ZNF385B: variants seen among roughly 807,000 people sequenced by gnomAD.
ZNF385B encodes the protein zinc finger protein 533.
In ZNF385B, 23 loss-of-function variants were observed where a neutral mutation model predicts 39.2. The ratio of observed to expected loss-of-function variants is 0.59; its 90% confidence interval spans 0.42 to 0.83. The LOEUF is 0.83. Among genes scored for constraint, ZNF385B ranks in the 40% least tolerant of loss-of-function variants. The pLI, the probability that ZNF385B is intolerant of heterozygous loss-of-function variation, is 0.00. For synonymous variants in ZNF385B, 205 were observed against 222.6 expected (o/e 0.92, Z 0.70); for missense variants, 552 against 598.9 (o/e 0.92, Z 0.82).
chr2:179,734,453 C>T (rs1300761480), intron 3 of ZNF385B, among the ~76,000 whole-genome samples: 1 of 152,140 alleles, frequency 6.6e-6, no homozygotes, highest in Non-Finnish European at 1.5e-5. Context: ...ATTGTGCTAC[C>T]ATACGGTTTG....
rs147659855 is a variant in ZNF385B, at chr2:179,772,421, A to G, written c.-154-1749T>C. On this transcript the variant is annotated intron_variant, in intron 1 of 9. Transcript: ENST00000410066. ...GGTGGGGTATGCATTCTGTTCACCA[A>G]ATCCCAATTTATTAGTCCTAGTTCT... Among the ~76,000 whole-genome samples the G allele has an allele frequency of 1.4e-4, 21 of 152,290 alleles. No individual in the cohort carries two copies. In the East Asian group the frequency reaches 3.7e-3, roughly 27 times the overall value.
rs114713940 is a variant in ZNF385B, at chr2:179,528,882, G to A, written c.442-10244C>T. 2.6e-3 allele frequency among the ~76,000 whole-genome samples: 400 copies of A among 152,290 alleles called. 3 individuals carry two copies. The highest frequency in any genetic ancestry group is 9.1e-3 in the African/African-American group (378 of 41,564). ...CATGCCTGGTGACTTTCCATGCTGCGGGGATCAAGAGTGATGCAGCAAAGC... is the reference window on the plus strand; with the variant it reads ...CATGCCTGGTGACTTTCCATGCTGCAGGGATCAAGAGTGATGCAGCAAAGC... On this transcript the variant is annotated intron_variant, in intron 4 of 9. Transcript: ENST00000410066.
chr2:179,626,909 T>C (rs563526684), intron 3 of ZNF385B, among the ~76,000 whole-genome samples: 1 of 152,298 alleles, frequency 6.6e-6, no homozygotes, highest in South Asian at 2.1e-4. Flanking sequence ...ATATAACCCT[T>C]AGGCTTATTC....
chr2:179,460,444 G>A (rs2051205796), intron 6 of ZNF385B, among the ~76,000 whole-genome samples: 1 of 152,150 alleles, frequency 6.6e-6, no homozygotes, highest in African/African-American at 2.4e-5. Context: ...CTACTGAAAG[G>A]TGATAAGATT....
chr2:179,613,869 G>C lies in ZNF385B; in HGVS notation c.299-68900C>G, dbSNP rs534794723. On this transcript the variant is annotated intron_variant, in intron 3 of 9. Coordinates refer to ENST00000410066, the MANE Select transcript of ZNF385B (RefSeq NM_152520.6). ...GAACACTTTATTCTGTGGTGGCAAG[G>C]CTTGCCAGAACTCAGCTTCTGACTG... is the stretch of plus-strand genomic sequence containing the variant. Among the ~76,000 whole-genome samples the C allele has an allele frequency of 2.0e-5, 3 of 152,270 alleles. No homozygotes were observed. The East Asian group carries it at 5.8e-4, about 29-fold the overall frequency.
intron 1 of ZNF385B, among the ~76,000 whole-genome samples, chr2:179,811,166 CAA>C (rs1238053031): frequency 6.6e-6 from 1 of 151,898 alleles, no homozygotes; most frequent in Non-Finnish European, 1.5e-5. Context: ...AGAGATGGTA[CAA>C]ATGGAAAAAT....
At chr2:179,816,583 T>G (rs1408000955) in intron 1 of ZNF385B, among the ~76,000 whole-genome samples, 2 of 152,190 alleles carry the variant, frequency 1.3e-5, no homozygotes, top group Admixed American at 6.5e-5. Flanking sequence ...AGGAGGATCT[T>G]CTGCCTAGGT....
chr2:179,489,282 A>G (rs2054948121), intron 5 of ZNF385B, among the ~76,000 whole-genome samples: 2 of 152,236 alleles, frequency 1.3e-5, no homozygotes, highest in African/African-American at 4.8e-5. Flanking sequence ...TATTAAGGGA[A>G]AAACAGGGAA....
chr2:179,663,064 G>T lies in ZNF385B; in HGVS notation c.298+106439C>A, dbSNP rs1409641690. 2.0e-5 allele frequency among the ~76,000 whole-genome samples: 3 copies of T among 152,102 alleles called. No individual in the cohort carries two copies. In the East Asian group the frequency reaches 5.8e-4, roughly 29 times the overall value. On this transcript the variant is annotated intron_variant, in intron 3 of 9. Transcript: ENST00000410066. ...ATTCTGTCTTTAATATTAATTAGTT[G>T]TTTTTGCCTAAGGCCAATTACTCAC...
intron 1 of ZNF385B, among the ~76,000 whole-genome samples, chr2:179,808,273 C>A (rs1442896259): frequency 6.6e-6 from 1 of 152,168 alleles, no homozygotes; most frequent in Non-Finnish European, 1.5e-5. Context: ...ACCTTGTGAT[C>A]CGCCCGCCTT....
intron 4 of ZNF385B, among the ~76,000 whole-genome samples, chr2:179,543,676 T>C (rs916159934): frequency 1.3e-5 from 2 of 152,154 alleles, no homozygotes; most frequent in South Asian, 4.1e-4. Flanking sequence ...TTTTTTTTTT[T>C]TAACTGTTTG....
At chr2:179,798,626 G>A (rs1366774716) in intron 1 of ZNF385B, among the ~76,000 whole-genome samples, 1 of 151,852 alleles carries the variant, frequency 6.6e-6, no homozygotes, top group East Asian at 1.9e-4. Flanking sequence ...ATCACAATAT[G>A]ATTACTAACC....
At chr2:179,689,205 A>G (rs1698157906) in intron 3 of ZNF385B, among the ~76,000 whole-genome samples, 1 of 152,204 alleles carries the variant, frequency 6.6e-6, no homozygotes, top group Non-Finnish European at 1.5e-5. Context: ...TTAGGACTCT[A>G]ACACTCTAGG....
At chr2:179,545,054 T>C in intron 3 of ZNF385B, 85 bp from the exon 4 acceptor site, 1 of 1,565,914 alleles carries the variant, frequency 6.4e-7, no homozygotes, top group Non-Finnish European at 8.8e-7. Flanking sequence ...ACAAGTCTGT[T>C]GAGCTGCAAC....
intron 1 of ZNF385B, among the ~76,000 whole-genome samples, chr2:179,790,447 G>C (rs953117365): frequency 1.3e-5 from 2 of 152,184 alleles, no homozygotes; most frequent in Non-Finnish European, 2.9e-5. Context: ...CAGGCCTGTA[G>C]TGTCTGATTC....
intron 6 of ZNF385B, among the ~76,000 whole-genome samples, chr2:179,460,411 C>A (rs1007276111): frequency 6.6e-6 from 1 of 152,044 alleles, no homozygotes; most frequent in Admixed American, 6.6e-5. Context: ...TAAAATTGAC[C>A]CTCCCTGCCT....
At chr2:179,723,388 A>G (rs1700811058) in intron 3 of ZNF385B, among the ~76,000 whole-genome samples, 1 of 152,232 alleles carries the variant, frequency 6.6e-6, no homozygotes, top group South Asian at 2.1e-4. Flanking sequence ...AAATTAAGAA[A>G]GGTAATAACC....
intron 5 of ZNF385B, among the ~76,000 whole-genome samples, chr2:179,512,881 T>C (rs1406125171): frequency 6.6e-6 from 1 of 152,218 alleles, no homozygotes; most frequent in East Asian, 1.9e-4. Context: ...TTTACATAAC[T>C]GTGTATTGTG....
chr2:179,669,430 G>C (rs941065217), intron 3 of ZNF385B, among the ~76,000 whole-genome samples: 4 of 152,186 alleles, frequency 2.6e-5, no homozygotes, highest in Admixed American at 2.6e-4. Context: ...GGTGGGGCCT[G>C]TCATCAGCAT....
Sources: gnomAD v4.1 joint callset for allele counts (sites outside exome capture counted in the v4.1 genomes callset) on GRCh38, gnomAD v4.1.1 for gene constraint, MANE v1.5 for transcripts, NCBI Gene and HGNC (gene_info 2026-07-23, HGNC 2026-07-21) for gene names.